Variants in ADCY8 observed in about 807,000 individuals in gnomAD.
ADCY8 encodes the protein adenylate cyclase 8.
In ADCY8, 51 loss-of-function variants were observed where a neutral mutation model predicts 119.7. The observed-to-expected ratio is 0.43, with a 90% CI of 0.34 to 0.54. ADCY8 has a LOEUF of 0.54. ADCY8 is among the 20% of genes least tolerant of loss of function. The pLI, the probability that ADCY8 is intolerant of heterozygous loss-of-function variation, is 0.03. For missense variants in ADCY8, 1,383 were observed against 1,598.8 expected (o/e 0.87, Z 2.30); for synonymous variants, 665 against 651.0 (o/e 1.02, Z -0.33).
intron 9 of ADCY8, among the ~76,000 whole-genome samples, chr8:130,853,092 G>GGGGGTGCTCAGT (rs1292094832): frequency 2.6e-5 from 4 of 152,160 alleles, no homozygotes; most frequent in African/African-American, 9.7e-5. Context: ...AGAAACTATC[G>GGGGGTGCTCAGT]GGGGTGCTCA....
At chr8:130,856,109 T>C (rs1817722750) in intron 9 of ADCY8, among the ~76,000 whole-genome samples, 1 of 151,996 alleles carries the variant, frequency 6.6e-6, no homozygotes, top group Admixed American at 6.5e-5. Context: ...TGAGCTCCTT[T>C]AGGAGCCAGG....
At chr8:130,985,911 C>T (rs1306811128) in intron 2 of ADCY8, among the ~76,000 whole-genome samples, 2 of 152,140 alleles carry the variant, frequency 1.3e-5, no homozygotes, top group Admixed American at 6.6e-5. Flanking sequence ...CATATGGTAT[C>T]ATCAGAAACT....
At chr8:130,902,959 A>G (rs1200631939) in intron 7 of ADCY8, among the ~76,000 whole-genome samples, 2 of 152,054 alleles carry the variant, frequency 1.3e-5, no homozygotes, top group East Asian at 1.9e-4. Context: ...TAAGAGGTTA[A>G]AGGGAAAATC....
intron 1 of ADCY8, among the ~76,000 whole-genome samples, chr8:131,003,165 C>T (rs1352768888): frequency 6.6e-6 from 1 of 151,386 alleles, no homozygotes; most frequent in Non-Finnish European, 1.5e-5. Context: ...GCTGAGATCG[C>T]ACCATTGCAC....
At position 130,839,014 on chromosome 8, in the gene ADCY8, T is replaced by C. The variant is rs745721697; in HGVS notation, c.2503-2565A>G. Among the ~76,000 whole-genome samples the C allele has an allele frequency of 5.7e-5, 8 of 139,306 alleles. 3 individuals are homozygous for C. The highest frequency in any genetic ancestry group is 1.3e-4 in the Non-Finnish European group (8 of 61,630). 91.4% of individuals were successfully genotyped at this position (139,306 alleles called of 152,430 possible). ...AGAGAGGATTTCACACAGTAGAAAA[T>C]GGAAAGGGACGGGCATTTTAGGAAG... On this transcript the variant is annotated intron_variant, in intron 11 of 17. Transcript: ENST00000286355.
chr8:130,829,611 T>G (rs1394184873), intron 12 of ADCY8, among the ~76,000 whole-genome samples: 2 of 152,136 alleles, frequency 1.3e-5, no homozygotes, highest in African/African-American at 2.4e-5. Context: ...CATGAAAGGA[T>G]TATAAGGAAG....
At chr8:130,822,905 G>T (rs1317732852) in intron 12 of ADCY8, among the ~76,000 whole-genome samples, 1 of 152,208 alleles carries the variant, frequency 6.6e-6, no homozygotes, top group Non-Finnish European at 1.5e-5. Context: ...GCTTGGCACA[G>T]TGCCTGGCCC....
chr8:130,809,774 A>G (rs533623059), intron 14 of ADCY8, among the ~76,000 whole-genome samples: 1 of 152,340 alleles, frequency 6.6e-6, no homozygotes, highest in East Asian at 1.9e-4. Context: ...GGAACACCTC[A>G]AAAGGGGTTA....
chr8:130,978,727 TCTC>T (rs1237031199), intron 2 of ADCY8, among the ~76,000 whole-genome samples: 1 of 152,108 alleles, frequency 6.6e-6, no homozygotes. Context: ...TATTTAAAAA[TCTC>T]CTCTTGTTTT....
intron 12 of ADCY8, among the ~76,000 whole-genome samples, chr8:130,832,150 C>T (rs1222303480): frequency 6.6e-6 from 1 of 152,050 alleles, no homozygotes; most frequent in Non-Finnish European, 1.5e-5. Flanking sequence ...ATAGTGCTTC[C>T]CTACAAGAAA....
At chr8:131,024,210 G>GGTCC (rs1823758143) in intron 1 of ADCY8, among the ~76,000 whole-genome samples, 3 of 152,312 alleles carry the variant, frequency 2.0e-5, no homozygotes, top group East Asian at 3.9e-4. Flanking sequence ...TCACGCCAAT[G>GGTCC]ACAGAACAAG....
chr8:130,883,459 G>T (rs1818857570), intron 8 of ADCY8, among the ~76,000 whole-genome samples: 1 of 152,114 alleles, frequency 6.6e-6, no homozygotes, highest in African/African-American at 2.4e-5. Context: ...GGAACTGTAG[G>T]TGAAGGTATT....
At chr8:131,023,566 A>T (rs1823739403) in intron 1 of ADCY8, among the ~76,000 whole-genome samples, 1 of 152,196 alleles carries the variant, frequency 6.6e-6, no homozygotes, top group Non-Finnish European at 1.5e-5. Context: ...TCTAGTTTGA[A>T]AAAGGAGCTG....
chr8:130,955,262 C>T (rs577103089), intron 2 of ADCY8, among the ~76,000 whole-genome samples: 59 of 152,230 alleles, frequency 3.9e-4, no homozygotes, highest in South Asian at 8.3e-4. Flanking sequence ...TTTCATATAA[C>T]ATTCAACATA....
chr8:130,974,759 A>T (rs1215315929), intron 2 of ADCY8, among the ~76,000 whole-genome samples: 1 of 152,174 alleles, frequency 6.6e-6, no homozygotes, highest in African/African-American at 2.4e-5. Context: ...TGCCAGTTAG[A>T]TGCACCCCTG....
intron 7 of ADCY8, among the ~76,000 whole-genome samples, chr8:130,896,478 C>A (rs1295549281): frequency 6.6e-6 from 1 of 152,088 alleles, no homozygotes; most frequent in Admixed American, 6.6e-5. Flanking sequence ...AGTTTGAATC[C>A]ACCCTTTAGG....
At chr8:130,981,658 T>G (rs1052007930) in intron 2 of ADCY8, among the ~76,000 whole-genome samples, 2 of 152,230 alleles carry the variant, frequency 1.3e-5, no homozygotes, top group African/African-American at 4.8e-5. Context: ...TAATTGCACA[T>G]GAGCATAGGG....
At chr8:130,874,725 G>A (rs1254961825) in intron 8 of ADCY8, among the ~76,000 whole-genome samples, 4 of 152,090 alleles carry the variant, frequency 2.6e-5, no homozygotes, top group African/African-American at 9.7e-5. Context: ...TTGATAGCGG[G>A]GTTAGACTGG....
chr8:131,040,485 T>C lies in ADCY8; in HGVS notation c.-152A>G. On this transcript the variant is annotated 5_prime_UTR_variant, in exon 1 of 18. Coordinates refer to ENST00000286355, the MANE Select transcript of ADCY8 (RefSeq NM_001115.3). Reference sequence around the variant, plus strand: ...GCAGGAGCCCTGCGCTAGGGCTCCCTGTAGGTCGGGTCATACTGTGCCCAG... The same window carrying C: ...GCAGGAGCCCTGCGCTAGGGCTCCCCGTAGGTCGGGTCATACTGTGCCCAG... 2.1e-6 allele frequency: 2 copies of C among 969,976 alleles called. No individual in the cohort carries two copies. The highest frequency in any genetic ancestry group is 2.9e-5 in the South Asian group (1 of 34,386). The allele number at this position is 969,976 out of a possible 1,614,324, so 60.1% of individuals were successfully genotyped here. A position where few individuals can be genotyped will look rare whatever the true frequency, so the allele number is the denominator to read the frequency against.
Sources: allele counts gnomAD v4.1 joint callset (sites outside exome capture counted in the v4.1 genomes callset), GRCh38; gene constraint gnomAD v4.1.1; transcripts MANE v1.5; gene names NCBI Gene and HGNC (gene_info 2026-07-23, HGNC 2026-07-21).